The following AGAP1 variants were observed in gnomAD, a reference collection of about 807,000 sequenced individuals.
AGAP1 encodes ArfGAP with GTPase domain, ankyrin repeat and PH domain 1.
In AGAP1, 29 loss-of-function variants were observed where a neutral mutation model predicts 105.3. The observed-to-expected ratio is 0.28, with a 90% confidence interval of 0.21 to 0.38. The LOEUF (loss-of-function observed/expected upper bound fraction) is 0.38, where lower values mean the gene tolerates loss of function less well. Among genes scored for constraint, AGAP1 ranks in the 10% least tolerant of loss-of-function variants. The pLI is 1.00. For synonymous variants in AGAP1, 509 were observed against 485.9 expected, an observed-to-expected ratio of 1.05 and a Z score of -0.63; for missense variants, 998 against 1,165.1, an observed-to-expected ratio of 0.86 and a Z score of 2.09.
At chr2:235,807,187 G>A (rs942987751) in intron 8 of AGAP1, 52 bp from the exon 9 acceptor site, 54 of 1,559,258 alleles carry the variant, frequency 3.5e-5, no homozygotes, top group African/African-American at 4.2e-5. Flanking sequence ...GCAGAGCCCC[G>A]TCTGTGAACC....
rs78154383 is a variant in AGAP1, at chr2:236,014,085, C to G, written c.1646-22476C>G. 1.3e-5 allele frequency among the ~76,000 whole-genome samples: 2 copies of G among 152,070 alleles called. No individual in the cohort carries two copies. Among genetic ancestry groups the G allele is most frequent in the African/African-American group, 4.8e-5 (2 of 41,414 alleles). On this transcript the variant is annotated intron_variant, in intron 13 of 17. Transcript: ENST00000304032. This position sits in a 1 kb window ranked among gnomAD's most constrained non-coding sequence, Gnocchi z 6.3. Reference sequence around the variant, plus strand: ...CGCCCTTGTTAAATTGGTTCTCTTCCGAACCCAGCGTCCCACTGTCGGTGA... The same window carrying G: ...CGCCCTTGTTAAATTGGTTCTCTTCGGAACCCAGCGTCCCACTGTCGGTGA...
At chr2:235,819,952 G>A (rs1232834512) in intron 9 of AGAP1, among the ~76,000 whole-genome samples, 8 of 137,838 alleles carry the variant, frequency 5.8e-5, no homozygotes, top group Non-Finnish European at 1.2e-4. Context: ...TGCCCAGGCT[G>A]GAGTGCAATG....
chr2:235,568,901 C>G (rs1029693525), intron 1 of AGAP1, among the ~76,000 whole-genome samples: 1 of 147,864 alleles, frequency 6.8e-6, no homozygotes, highest in Non-Finnish European at 1.5e-5. Flanking sequence ...CATGTTGTCC[C>G]CTAGCTTTAC....
At chr2:235,903,350 G>A (rs987717122) in intron 10 of AGAP1, among the ~76,000 whole-genome samples, 1 of 152,110 alleles carries the variant, frequency 6.6e-6, no homozygotes, top group African/African-American at 2.4e-5. Flanking sequence ...TTGAGCTTAA[G>A]CACTGTCAGA....
At position 235,739,373 on chromosome 2, in the gene AGAP1, C is replaced by G. The variant is rs2149653590; in HGVS notation, c.311-1590C>G. On this transcript the variant is annotated intron_variant, in intron 3 of 17. Coordinates refer to ENST00000304032, the MANE Select transcript of AGAP1 (RefSeq NM_001037131.3). The surrounding 1 kb of genome is among the most constrained non-coding windows in gnomAD (Gnocchi z 5.3). ...TTTTTGCCTACGAGGACTCTCGATT[C>G]AGGGACCCTGAGTCTTTGGGACCCT... 6.6e-6 allele frequency among the ~76,000 whole-genome samples: 1 copy of G among 152,362 alleles called. No homozygotes were observed. Among genetic ancestry groups the G allele is most frequent in the Admixed American group, 6.5e-5 (1 of 15,306 alleles).
chr2:235,598,069 C>T (rs1945597439), intron 1 of AGAP1, among the ~76,000 whole-genome samples: 1 of 147,580 alleles, frequency 6.8e-6, no homozygotes, highest in African/African-American at 2.5e-5. Flanking sequence ...TTGGGTGGAG[C>T]GTGCACGCGC....
chr2:235,884,677 C>T (rs959664834), intron 10 of AGAP1, among the ~76,000 whole-genome samples: 2 of 152,136 alleles, frequency 1.3e-5, no homozygotes, highest in African/African-American at 4.8e-5. Context: ...TGGTCTTGAA[C>T]TCCTGACCTC....
rs964776172 is a variant in AGAP1 at position 236,046,419 on chromosome 2, A to G, written c.1892-2640A>G. ...AGTTGCGATGCTGGTGAGGACGCCCATGGGAGCATAAGTTCGAGAAGAAAG... is the reference window on the plus strand; with the variant it reads ...AGTTGCGATGCTGGTGAGGACGCCCGTGGGAGCATAAGTTCGAGAAGAAAG... On this transcript the variant is annotated intron_variant, in intron 15 of 17. Transcript: ENST00000304032. The surrounding 1 kb of genome is among the most constrained non-coding windows in gnomAD (Gnocchi z 5.2). Among the ~76,000 whole-genome samples, 4 of 152,180 alleles carry G rather than the reference A, an allele frequency of 2.6e-5. No homozygotes were observed. In the South Asian group the frequency reaches 6.2e-4, roughly 24 times the overall value.
chr2:235,800,265 A>T (rs1198807331), intron 8 of AGAP1, among the ~76,000 whole-genome samples: 1 of 142,084 alleles, frequency 7.0e-6, no homozygotes, highest in African/African-American at 2.6e-5. Context: ...CGTGTGGCTA[A>T]TTTTTTTTTT....
In AGAP1 at chr2:236,027,862, A is replaced by G. The variant is rs2057105383; in HGVS notation, c.1646-8699A>G. Among the ~76,000 whole-genome samples, 1 of 152,166 alleles carries G rather than the reference A, an allele frequency of 6.6e-6. No homozygotes were observed. Among genetic ancestry groups the G allele is most frequent in the African/African-American group, 2.4e-5 (1 of 41,442 alleles). ...ATCACAGGGCCTTTGTGCATGCTACATACACGTCAGAGACAGACCATACCC... is the reference window on the plus strand; with the variant it reads ...ATCACAGGGCCTTTGTGCATGCTACGTACACGTCAGAGACAGACCATACCC... On this transcript the variant is annotated intron_variant, in intron 13 of 17. Transcript: ENST00000304032. The surrounding 1 kb of genome is among the most constrained non-coding windows in gnomAD (Gnocchi z 4.4).
intron 6 of AGAP1, among the ~76,000 whole-genome samples, chr2:235,770,213 C>G (rs558881982): frequency 6.6e-6 from 1 of 151,506 alleles, no homozygotes; most frequent in Non-Finnish European, 1.5e-5. Context: ...CTGTAAGCTC[C>G]GCTCCCCGGG....
intron 10 of AGAP1, among the ~76,000 whole-genome samples, chr2:235,886,910 G>T (rs2050300781): frequency 1.3e-5 from 2 of 152,186 alleles, no homozygotes; most frequent in South Asian, 2.1e-4. Context: ...GTTGTGACTT[G>T]TTAGGGGAAG....
chr2:235,632,978 G>T (rs188943412), intron 1 of AGAP1, among the ~76,000 whole-genome samples: 5 of 152,158 alleles, frequency 3.3e-5, no homozygotes, highest in East Asian at 3.9e-4. Context: ...GCAGGAAGGG[G>T]TCTCGGCTTC....
intron 3 of AGAP1, among the ~76,000 whole-genome samples, chr2:235,730,028 C>A (rs1334314208): frequency 6.6e-6 from 1 of 152,100 alleles, no homozygotes; most frequent in Non-Finnish European, 1.5e-5. Context: ...TCCATGCAGG[C>A]TCATCGAATA....
rs2054722041 is a variant in AGAP1 at position 235,973,130 on chromosome 2, G to C, written c.1645+4507G>C. ...AGAAACACTGTGTCTACACGGGGCT[G>C]TCAGGGTGACCGATGGAAATTGGGC... On this transcript the variant is annotated intron_variant, in intron 13 of 17. Transcript: ENST00000304032. The surrounding 1 kb of genome is among the most constrained non-coding windows in gnomAD (Gnocchi z 4.7). Among the ~76,000 whole-genome samples, 1 of 152,348 alleles carries C rather than the reference G, an allele frequency of 6.6e-6. No individual in the cohort carries two copies. Among genetic ancestry groups the C allele is most frequent in the East Asian group, 1.9e-4 (1 of 5,186 alleles).
chr2:235,804,461 T>A (rs1957738595), intron 8 of AGAP1, among the ~76,000 whole-genome samples: 2 of 152,224 alleles, frequency 1.3e-5, no homozygotes, highest in Non-Finnish European at 2.9e-5. Flanking sequence ...TGGCATTTAT[T>A]TGTTTTTGCA....
In AGAP1 at chr2:236,123,013, T is replaced by C. The variant is rs900673136; in HGVS notation, c.2371-906T>C. On this transcript the variant is annotated intron_variant, in intron 17 of 17. Transcript: ENST00000304032. The surrounding 1 kb of genome is among the most constrained non-coding windows in gnomAD (Gnocchi z 4.6). ...GACAATTTTTACAAAGTGTGCACAG[T>C]TGAGGGGAGAGTTCTGAATTCTGTT... is the stretch of plus-strand genomic sequence containing the variant. 6.6e-6 allele frequency among the ~76,000 whole-genome samples: 1 copy of C among 151,992 alleles called. No individual in the cohort carries two copies. The highest frequency in any genetic ancestry group is 1.5e-5 in the Non-Finnish European group (1 of 67,990).
At chr2:236,054,153 A>G (rs1387162031) in intron 16 of AGAP1, among the ~76,000 whole-genome samples, 1 of 152,160 alleles carries the variant, frequency 6.6e-6, no homozygotes, top group African/African-American at 2.4e-5. Flanking sequence ...ATTTATGCAC[A>G]TGGAGATATT....
At chr2:235,831,471 CT>C (rs1959393657) in intron 9 of AGAP1, among the ~76,000 whole-genome samples, 1 of 152,188 alleles carries the variant, frequency 6.6e-6, no homozygotes, top group Non-Finnish European at 1.5e-5. Flanking sequence ...TGTGGTCCAC[CT>C]CTTCATTTCC....
Sources: gnomAD v4.1 joint callset for allele counts (sites outside exome capture counted in the v4.1 genomes callset) on GRCh38, gnomAD v4.1.1 for gene constraint, Gnocchi (gnomAD v3.1) non-coding constraint, MANE v1.5 for transcripts, NCBI Gene and HGNC (gene_info 2026-07-23, HGNC 2026-07-21) for gene names.